The following PRDM16 variants were observed in gnomAD, a reference collection of about 807,000 sequenced individuals.
PRDM16 encodes the protein PR/SET domain 16.
Under a neutral mutation model 110.6 loss-of-function variants are expected in PRDM16, and 23 were observed. That is an observed-to-expected ratio of 0.21 (90% CI 0.15 to 0.29). PRDM16 has a LOEUF of 0.29. PRDM16 is among the 10% of genes least tolerant of loss of function. The pLI, the probability that PRDM16 is intolerant of heterozygous loss-of-function variation, is 1.00. For synonymous variants in PRDM16, 799 were observed against 781.8 expected, an observed-to-expected ratio of 1.02 and a Z score of -0.37; for missense variants, 1,615 against 1,794.3, an observed-to-expected ratio of 0.90 and a Z score of 1.81.
rs1638871230 is a variant in PRDM16, at chr1:3,211,025, C to T, written c.387+24551C>T. Among the ~76,000 whole-genome samples, 3 of 152,202 alleles carry T rather than the reference C, an allele frequency of 2.0e-5. No individual in the cohort carries two copies. The South Asian group carries it at 6.2e-4, about 32-fold the overall frequency. On this transcript the variant is annotated intron_variant, in intron 2 of 16. Transcript: ENST00000270722. ...CTCATTAGGCATGTATTTGTTCATACATTTATTAGTTTAGATATTAGATAT... is the reference window on the plus strand; with the variant it reads ...CTCATTAGGCATGTATTTGTTCATATATTTATTAGTTTAGATATTAGATAT...
At chr1:3,189,941 T>C (rs1638256870) in intron 2 of PRDM16, among the ~76,000 whole-genome samples, 1 of 152,366 alleles carries the variant, frequency 6.6e-6, no homozygotes, top group East Asian at 1.9e-4. Flanking sequence ...AAAGTTCTTG[T>C]TCTGGAGAAT....
At position 3,129,354 on chromosome 1, in the gene PRDM16, T is replaced by C. The variant is rs192187222; in HGVS notation, c.38-56771T>C. The stretch of plus-strand genomic sequence containing the variant: ...TGTGTCCTGCCTGGTTGTGTGTGTG[T>C]GCGCACGTGGGTGAGTGTGTGGGTG... On this transcript the variant is annotated intron_variant, in intron 1 of 16. Transcript: ENST00000270722. Among the ~76,000 whole-genome samples, 49 of 142,644 alleles carry C rather than the reference T, an allele frequency of 3.4e-4. 1 individual carries two copies. The highest frequency in any genetic ancestry group is 5.6e-4 in the Non-Finnish European group (37 of 66,330). 93.6% of individuals were successfully genotyped at this position (142,644 alleles called of 152,430 possible).
chr1:3,069,367 G>T lies in PRDM16; in HGVS notation c.37+71G>T, dbSNP rs1442465392. 1.4e-5 allele frequency: 10 copies of T among 722,706 alleles called. No homozygotes were observed. The highest frequency in any genetic ancestry group is 1.5e-5 in the Non-Finnish European group (9 of 592,966). 44.8% of individuals were successfully genotyped at this position (722,706 alleles called of 1,614,324 possible). A position where few individuals can be genotyped will look rare whatever the true frequency, so the allele number is the denominator to read the frequency against. On this transcript the variant is annotated intron_variant, in intron 1 of 16. Transcript: ENST00000270722. This position sits in a 1 kb window ranked among gnomAD's most constrained non-coding sequence, Gnocchi z 6.1. Reference sequence around the variant, plus strand: ...CGCCGGGCCGGGGCGCCCGGGCCAGGGGTGCGCGTCGGGGCGCGGCCGGCG... The same window carrying T: ...CGCCGGGCCGGGGCGCCCGGGCCAGTGGTGCGCGTCGGGGCGCGGCCGGCG...
At chr1:3,308,198 T>C (rs1456885228) in intron 3 of PRDM16, 1 of 152,332 alleles carries the variant, frequency 6.6e-6, no homozygotes, top group Non-Finnish European at 1.5e-5. Flanking sequence ...GTGTCTGGCA[T>C]GTGACCTCCC....
At chr1:3,253,859 C>G (rs1557560287) in intron 3 of PRDM16, among the ~76,000 whole-genome samples, 1 of 152,156 alleles carries the variant, frequency 6.6e-6, no homozygotes, top group Non-Finnish European at 1.5e-5. Flanking sequence ...TCCACATCCT[C>G]TCCAGCACCT....
chr1:3,339,402 G>A lies in PRDM16; in HGVS notation c.439-45750G>A, dbSNP rs538184655. On this transcript the variant is annotated intron_variant, in intron 3 of 16. Transcript: ENST00000270722. The surrounding 1 kb of genome is among the most constrained non-coding windows in gnomAD (Gnocchi z 5.0). ...GGGTGGATGAGTGGCAACCATCCTG[G>A]GTGGTCAGTAGGACCCTAGAAAGTG... 6.6e-6 allele frequency among the ~76,000 whole-genome samples: 1 copy of A among 152,102 alleles called. No homozygotes were observed.
At chr1:3,126,362 G>T (rs1643207723) in intron 1 of PRDM16, among the ~76,000 whole-genome samples, 1 of 152,200 alleles carries the variant, frequency 6.6e-6, no homozygotes, top group African/African-American at 2.4e-5. Flanking sequence ...CATGCCCCCG[G>T]GGGCTCAGTC....
Position 3,437,029 on chromosome 1 carries a change from G to C in PRDM16, c.*3218G>C. On this transcript the variant is annotated 3_prime_UTR_variant, in exon 17 of 17. Coordinates refer to ENST00000270722, the MANE Select transcript of PRDM16 (RefSeq NM_022114.4). Reference sequence around the variant, plus strand: ...CTGCTCTCATCCCCAGGTTGGGCACGTGGGGTTCCTCCTCTGTGGGCCTGG... The same window carrying C: ...CTGCTCTCATCCCCAGGTTGGGCACCTGGGGTTCCTCCTCTGTGGGCCTGG... 4.3e-6 allele frequency: 1 copy of C among 232,992 alleles called. No homozygotes were observed. The highest frequency in any genetic ancestry group is 8.5e-6 in the Non-Finnish European group (1 of 117,856). The allele number at this position is 232,992 out of a possible 1,614,324, so 14.4% of individuals were successfully genotyped here.
intron 3 of PRDM16, among the ~76,000 whole-genome samples, chr1:3,347,481 G>T (rs766748448): frequency 6.6e-6 from 1 of 152,222 alleles, no homozygotes; most frequent in African/African-American, 2.4e-5. Flanking sequence ...GCCCTCCTGC[G>T]TCTGGTCCCA....
chr1:3,258,056 C>T (rs116130093), intron 3 of PRDM16, among the ~76,000 whole-genome samples: 208 of 152,312 alleles, frequency 1.4e-3, no homozygotes, highest in Non-Finnish European at 2.3e-3. Context: ...GCAACAAGGA[C>T]CTCTTAGGCC....
At chr1:3,404,916 C>T in intron 7 of PRDM16, 30 bp downstream of exon 7, 1 of 1,606,814 alleles carries the variant, frequency 6.2e-7, no homozygotes, top group Non-Finnish European at 8.5e-7. Flanking sequence ...CGTCTCAGCC[C>T]CGGGGCAGCA....
chr1:3,310,794 G>C (rs1166051547), intron 3 of PRDM16, among the ~76,000 whole-genome samples: 2 of 149,630 alleles, frequency 1.3e-5, no homozygotes, highest in Non-Finnish European at 2.9e-5. Context: ...ATGCATGTCT[G>C]TGTGTGTGTA....
At chr1:3,278,416 C>A (rs1469633183) in intron 3 of PRDM16, among the ~76,000 whole-genome samples, 1 of 152,224 alleles carries the variant, frequency 6.6e-6, no homozygotes, top group African/African-American at 2.4e-5. Flanking sequence ...ACCCCAGGGG[C>A]AGCCTGCAGA....
intron 3 of PRDM16, among the ~76,000 whole-genome samples, chr1:3,332,861 A>G (rs2100492207): frequency 6.6e-6 from 1 of 152,018 alleles, no homozygotes; most frequent in East Asian, 1.9e-4. Context: ...ATGGAATTCT[A>G]TGATCTGTGT....
chr1:3,204,899 G>T (rs1422418472), intron 2 of PRDM16, among the ~76,000 whole-genome samples: 3 of 152,214 alleles, frequency 2.0e-5, no homozygotes, highest in Non-Finnish European at 4.4e-5. Flanking sequence ...CCCCCGTTGG[G>T]GGGGGCCCTC....
At chr1:3,419,136 C>G (rs566287254) in intron 12 of PRDM16, among the ~76,000 whole-genome samples, 2 of 152,334 alleles carry the variant, frequency 1.3e-5, no homozygotes, top group African/African-American at 4.8e-5. Flanking sequence ...GTTCATCTCA[C>G]GACGGCCATA....
chr1:3,167,474 C>A (rs927036469), intron 1 of PRDM16, among the ~76,000 whole-genome samples: 7 of 152,134 alleles, frequency 4.6e-5, no homozygotes, highest in African/African-American at 1.7e-4. Context: ...CATGTGCAGC[C>A]GGGGCGAAGG....
intron 3 of PRDM16, among the ~76,000 whole-genome samples, chr1:3,296,915 A>G (rs1164246513): frequency 6.6e-6 from 1 of 152,158 alleles, no homozygotes; most frequent in Non-Finnish European, 1.5e-5. Flanking sequence ...AGCCTCACCC[A>G]CCTTAACGCG....
At chr1:3,250,561 G>A (rs1639907196) in intron 3 of PRDM16, among the ~76,000 whole-genome samples, 1 of 151,544 alleles carries the variant, frequency 6.6e-6, no homozygotes, top group South Asian at 2.1e-4. Flanking sequence ...CGTCAGATTC[G>A]GCTGGGAGAG....
Sources: gnomAD v4.1 joint callset for allele counts (sites outside exome capture counted in the v4.1 genomes callset) on GRCh38, gnomAD v4.1.1 for gene constraint, Gnocchi (gnomAD v3.1) non-coding constraint, MANE v1.5 for transcripts, NCBI Gene and HGNC (gene_info 2026-07-23, HGNC 2026-07-21) for gene names.